MTCL2: variants seen among roughly 807,000 people sequenced by gnomAD.
MTCL2 encodes microtubule cross-linking factor 2.
chr20:36,817,351 G>C, the MTCL2 span: 5 of 1,471,562 alleles, frequency 3.4e-6, no homozygotes, highest in Non-Finnish European at 4.6e-6. Flanking sequence ...AGGCCACTTA[G>C]AGTCAGGCTC....
chr20:36,858,777 C>A, the MTCL2 span, among the ~76,000 whole-genome samples: 2 of 152,116 alleles, frequency 1.3e-5, no homozygotes, highest in African/African-American at 2.4e-5. Context: ...GTTGTCCAGG[C>A]AGGTTCCATC....
chr20:36,779,834 A>C, the MTCL2 span: 1 of 152,122 alleles, frequency 6.6e-6, no homozygotes, highest in Admixed American at 6.6e-5. Flanking sequence ...CTGAGGGCTG[A>C]ATACTATAGT....
chr20:36,806,365 T>C, the MTCL2 span, among the ~76,000 whole-genome samples: 1 of 152,146 alleles, frequency 6.6e-6, no homozygotes, highest in Non-Finnish European at 1.5e-5. Flanking sequence ...TCACCTTCTG[T>C]GCTCAAGCAA....
At chr20:36,800,637 C>T in the MTCL2 span, among the ~76,000 whole-genome samples, 1 of 152,320 alleles carries the variant, frequency 6.6e-6, no homozygotes, top group South Asian at 2.1e-4. Context: ...TGAACGTGAC[C>T]TTGCAAGGCT....
the MTCL2 span, among the ~76,000 whole-genome samples, chr20:36,803,876 G>T: frequency 6.9e-6 from 1 of 144,706 alleles, no homozygotes. Flanking sequence ...AGAATCTCTT[G>T]AACCCGGGAG....
At chr20:36,821,279 T>C in the MTCL2 span, among the ~76,000 whole-genome samples, 2 of 152,162 alleles carry the variant, frequency 1.3e-5, no homozygotes, top group Non-Finnish European at 2.9e-5. Context: ...CCCAGCACTT[T>C]GGGAGGCCGA....
the MTCL2 span, among the ~76,000 whole-genome samples, chr20:36,860,054 C>T: frequency 6.6e-6 from 1 of 152,168 alleles, no homozygotes; most frequent in Non-Finnish European, 1.5e-5. Flanking sequence ...AGGCTGGCGG[C>T]TGGGATAAAC....
At chr20:36,829,194 T>A in the MTCL2 span, 1 of 1,610,724 alleles carries the variant, frequency 6.2e-7, no homozygotes, top group Admixed American at 1.7e-5. Flanking sequence ...TGCAGCCGCA[T>A]GGAGATGTCC....
At chr20:36,850,316 G>A in the MTCL2 span, among the ~76,000 whole-genome samples, 28 of 152,014 alleles carry the variant, frequency 1.8e-4, no homozygotes, top group African/African-American at 6.3e-4. Context: ...ATTACTTGAG[G>A]TCAGGACTTC....
chr20:36,826,702 T>C, the MTCL2 span, among the ~76,000 whole-genome samples: 1 of 151,494 alleles, frequency 6.6e-6, no homozygotes, highest in Non-Finnish European at 1.5e-5. Flanking sequence ...GGTTGAATAG[T>C]TTTCCATTAT....
the MTCL2 span, chr20:36,786,551 C>T: frequency 6.4e-7 from 1 of 1,551,186 alleles, no homozygotes; most frequent in Non-Finnish European, 8.7e-7. Context: ...GCAGCCTGCA[C>T]TTGGAAGGAG....
the MTCL2 span, among the ~76,000 whole-genome samples, chr20:36,830,018 G>A: frequency 1.3e-5 from 2 of 151,800 alleles, no homozygotes; most frequent in African/African-American, 4.8e-5. Context: ...TAAATAAAAA[G>A]AAACGGGGTC....
At chr20:36,784,051 T>C in the MTCL2 span, 3 of 985,432 alleles carry the variant, frequency 3.0e-6, no homozygotes, top group Non-Finnish European at 3.6e-6. Flanking sequence ...GACGGTACGA[T>C]GGTAAGGCTG....
At chr20:36,788,989 A>T in the MTCL2 span, among the ~76,000 whole-genome samples, 1 of 151,964 alleles carries the variant, frequency 6.6e-6, no homozygotes, top group Admixed American at 6.6e-5. Context: ...TATTTTTAGT[A>T]GAGATGGGGT....
chr20:36,848,362 C>A, the MTCL2 span, among the ~76,000 whole-genome samples: 1 of 152,206 alleles, frequency 6.6e-6, no homozygotes, highest in African/African-American at 2.4e-5. Context: ...CTGCTCCCCT[C>A]GATGGACTGA....
At chr20:36,815,189 G>T in the MTCL2 span, 8 of 1,613,434 alleles carry the variant, frequency 5.0e-6, no homozygotes, top group African/African-American at 1.1e-4. The surrounding 1 kb of genome is among the most constrained non-coding windows in gnomAD (Gnocchi z 5.3). Flanking sequence ...GGGAGCCCAA[G>T]GGGGGCAGTG....
the MTCL2 span, chr20:36,859,786 G>T: frequency 8.1e-7 from 1 of 1,231,684 alleles, no homozygotes; most frequent in Non-Finnish European, 1.0e-6. Flanking sequence ...CTCCTGCAGG[G>T]GACATACTGG....
the MTCL2 span, chr20:36,797,552 A>G: frequency 1.0e-5 from 16 of 1,557,026 alleles, no homozygotes; most frequent in Non-Finnish European, 1.3e-5. Context: ...TTCAGGACCC[A>G]GGGGTCGGCA....
chr20:36,817,547 G>A, the MTCL2 span: 36 of 1,399,354 alleles, frequency 2.6e-5, no homozygotes, highest in Middle Eastern at 1.9e-4. Flanking sequence ...GCAGAGAGCT[G>A]TCACAGTGCC....
Sources: allele counts gnomAD v4.1 joint callset (sites outside exome capture counted in the v4.1 genomes callset), GRCh38; gene constraint gnomAD v4.1.1; non-coding constraint Gnocchi (gnomAD v3.1); transcripts MANE v1.5; gene names NCBI Gene and HGNC (gene_info 2026-07-23, HGNC 2026-07-21).